MTTP: variants seen among roughly 807,000 people sequenced by gnomAD.
MTTP encodes microsomal triglyceride transfer protein large subunit.
A neutral mutation model predicts 90.6 loss-of-function variants in MTTP; 49 were observed. The ratio of observed to expected loss-of-function variants is 0.54; its 90% confidence interval spans 0.43 to 0.69. MTTP has a LOEUF of 0.69. Ranked by LOEUF, MTTP falls within the 30% of genes least tolerant of loss-of-function variation. MTTP has a pLI of 0.00. For missense variants in MTTP, 945 were observed against 1,067.5 expected (o/e 0.89, Z 1.60); for synonymous variants, 347 against 384.2 (o/e 0.90, Z 1.13).
chr4:99,584,560 A>G (rs1560615046), intron 3 of MTTP, among the ~76,000 whole-genome samples: 3 of 150,188 alleles, frequency 2.0e-5, no homozygotes, highest in African/African-American at 7.3e-5. Flanking sequence ...CACCTCGCCT[A>G]CAACCAAATA....
At chr4:99,582,634 T>C (rs1725147833) in intron 2 of MTTP, among the ~76,000 whole-genome samples, 1 of 152,210 alleles carries the variant, frequency 6.6e-6, no homozygotes, top group Admixed American at 6.5e-5. Flanking sequence ...AGTTGGTCTC[T>C]GGGGACTTTT....
Position 99,606,853 on chromosome 4 carries a change from G to A in MTTP, c.1450G>A (p.Glu484Lys). The A allele has an allele frequency of 6.2e-7, 1 of 1,614,134 alleles. No individual in the cohort carries two copies. The change falls in exon 11 of 18, where the codon GAA becomes AAA. Residue 484 changes from glutamate (E) to lysine (K), a missense_variant. Glu to Lys is a moderately conservative substitution (Grantham distance 56, BLOSUM62 1). Coordinates refer to ENST00000265517, the MANE Select transcript of MTTP (RefSeq NM_001386140.1). ...LLALKNALLP[E>K]GIPSLLKYAE... Reference sequence around the variant, plus strand: ...GGCTTTGAAGAATGCCCTGCTTCCAGAAGGCATCCCAAGTCTTCTGAAGTA... The same window carrying A: ...GGCTTTGAAGAATGCCCTGCTTCCAAAAGGCATCCCAAGTCTTCTGAAGTA...
chr4:99,577,794 G>A (rs1725005617), intron 1 of MTTP, among the ~76,000 whole-genome samples: 1 of 151,952 alleles, frequency 6.6e-6, no homozygotes, highest in Admixed American at 6.6e-5. Flanking sequence ...CTTTGTCATG[G>A]TTGGACTATT....
intron 15 of MTTP, among the ~76,000 whole-genome samples, chr4:99,616,260 G>C (rs954411544): frequency 2.6e-5 from 4 of 152,144 alleles, no homozygotes; most frequent in Non-Finnish European, 5.9e-5. Flanking sequence ...TGGGCATAGT[G>C]GGGTATGCCT....
At chr4:99,567,339 G>A (rs1415288611) in intron 1 of MTTP, among the ~76,000 whole-genome samples, 1 of 152,048 alleles carries the variant, frequency 6.6e-6, no homozygotes, top group African/African-American at 2.4e-5. Context: ...TAGGTGAAAA[G>A]GAATCCCTAA....
intron 8 of MTTP, among the ~76,000 whole-genome samples, chr4:99,599,072 A>C (rs931717891): frequency 3.9e-5 from 6 of 152,186 alleles, no homozygotes; most frequent in Non-Finnish European, 8.8e-5. Flanking sequence ...GGGTGGTGGA[A>C]TGTAACATTT....
At chr4:99,604,253 T>A (rs1421870389) in intron 10 of MTTP, among the ~76,000 whole-genome samples, 3 of 152,208 alleles carry the variant, frequency 2.0e-5, no homozygotes, top group African/African-American at 7.2e-5. Flanking sequence ...CCATTCTGTG[T>A]AGTTCTATAG....
rs997343690 is a variant in MTTP, at chr4:99,592,724, A to G, written c.758+934A>G. Reference sequence around the variant, plus strand: ...TAGAACTGTCACTTCCTCTGATAACAATGCCTTCTTCTGGAATACCTCCTG... The same window carrying G: ...TAGAACTGTCACTTCCTCTGATAACGATGCCTTCTTCTGGAATACCTCCTG... On this transcript the variant is annotated intron_variant, in intron 6 of 17. Coordinates refer to ENST00000265517, the MANE Select transcript of MTTP (RefSeq NM_001386140.1). Among the ~76,000 whole-genome samples, 4 of 152,208 alleles carry G rather than the reference A, an allele frequency of 2.6e-5. No individual in the cohort carries two copies. The South Asian group carries it at 6.2e-4, about 24-fold the overall frequency.
chr4:99,598,712 G>T (rs900705054), intron 8 of MTTP, among the ~76,000 whole-genome samples: 9 of 134,452 alleles, frequency 6.7e-5, no homozygotes, highest in Non-Finnish European at 1.4e-4. Flanking sequence ...TGCCCAGGCT[G>T]GAGTGCAATG....
rs1725415672 is a variant in MTTP, at chr4:99,591,357, A to G, written c.618+6A>G. 6.4e-6 allele frequency: 10 copies of G among 1,572,354 alleles called. No homozygotes were observed. The highest frequency in any genetic ancestry group is 2.2e-5 in the South Asian group (2 of 90,194). On this transcript the variant is annotated splice_donor_region_variant and intron_variant, in intron 5 of 17. Transcript: ENST00000265517. ...GATTTACGACCCCAAATCAGGTATG[A>G]TAGATGTCACTTTCTTTGAGGCATT...
At chr4:99,580,664 C>T (rs35107102) in intron 1 of MTTP, among the ~76,000 whole-genome samples, 12,884 of 151,060 alleles carry the variant, frequency 0.085, 1,001 homozygotes, top group African/African-American at 0.19. Flanking sequence ...TTCTGTGTCC[C>T]CTCAGTCTCT....
At chr4:99,614,927 T>C (rs571742765) in intron 15 of MTTP, among the ~76,000 whole-genome samples, 1 of 152,340 alleles carries the variant, frequency 6.6e-6, no homozygotes, top group African/African-American at 2.4e-5. Flanking sequence ...TTGTATCCCT[T>C]AATCCTCAAG....
chr4:99,583,091 G>T (rs925660484), intron 2 of MTTP, among the ~76,000 whole-genome samples: 24 of 152,048 alleles, frequency 1.6e-4, no homozygotes, highest in African/African-American at 5.6e-4. Flanking sequence ...ATGAAGAGTG[G>T]CAATGATAGG....
In MTTP at chr4:99,622,963, T is replaced by C. The variant is rs985283447; in HGVS notation, c.*115T>C. 7.5e-7 allele frequency: 1 copy of C among 1,326,444 alleles called. No homozygotes were observed. The highest frequency in any genetic ancestry group is 1.1e-6 in the Non-Finnish European group (1 of 925,410). The allele number at this position is 1,326,444 out of a possible 1,614,324, so 82.2% of individuals were successfully genotyped here. ...TTTACATATTTACCTGTATTTAAGA[T>C]TTTTGTAAAAAGCTACAAAAAACTG... On this transcript the variant is annotated 3_prime_UTR_variant, in exon 18 of 18. Coordinates refer to ENST00000265517, the MANE Select transcript of MTTP (RefSeq NM_001386140.1).
At chr4:99,608,631 C>T in intron 11 of MTTP, 135 bp from the exon 12 acceptor site, 3 of 766,560 alleles carry the variant, frequency 3.9e-6, no homozygotes, top group South Asian at 3.0e-5. Flanking sequence ...GTGGCCCCCA[C>T]CAAATCACAA....
chr4:99,581,021 A>T (rs1445621970), intron 1 of MTTP, among the ~76,000 whole-genome samples: 1 of 152,232 alleles, frequency 6.6e-6, no homozygotes, highest in Non-Finnish European at 1.5e-5. Flanking sequence ...ATGCAACCCC[A>T]TTAGCATTGA....
At chr4:99,591,898 T>C (rs1725433477) in intron 6 of MTTP, 108 bp downstream of exon 6, 2 of 989,974 alleles carry the variant, frequency 2.0e-6, no homozygotes, top group Non-Finnish European at 3.1e-6. Context: ...GCGCGTGTAG[T>C]CATGCATTGC....
intron 3 of MTTP, among the ~76,000 whole-genome samples, chr4:99,585,978 C>G (rs1427349854): frequency 2.6e-5 from 4 of 152,096 alleles, no homozygotes; most frequent in African/African-American, 9.7e-5. Flanking sequence ...TATGGACAGG[C>G]AGAGTAAGGC....
chr4:99,591,464 T>G, intron 5 of MTTP, 113 bp downstream of exon 5: 1 of 1,160,804 alleles, frequency 8.6e-7, no homozygotes, highest in Non-Finnish European at 1.3e-6. Flanking sequence ...TTTGTAATTT[T>G]TAGTTTAGGC....
Sources: gnomAD v4.1 joint callset for allele counts (sites outside exome capture counted in the v4.1 genomes callset) on GRCh38, gnomAD v4.1.1 for gene constraint, MANE v1.5 for transcripts, NCBI Gene and HGNC (gene_info 2026-07-23, HGNC 2026-07-21) for gene names.